PCDH15: variants seen among roughly 807,000 people sequenced by gnomAD.
The protein encoded by PCDH15 is protocadherin related 15.
Under a neutral mutation model 178.5 loss-of-function variants are expected in PCDH15, and 129 were observed. The observed-to-expected ratio is 0.72, with a 90% CI of 0.63 to 0.84. The LOEUF is 0.84. Ranked by LOEUF, PCDH15 falls within the 40% of genes least tolerant of loss-of-function variation. PCDH15 has a pLI of 0.00. For missense variants in PCDH15, 2,230 were observed against 2,099.9 expected, an observed-to-expected ratio of 1.06 and a Z score of -1.21; for synonymous variants, 800 against 732.0, an observed-to-expected ratio of 1.09 and a Z score of -1.50.
chr10:54,752,490 AACAAAAAACAAAAAAC>A lies in PCDH15; in HGVS notation c.-29+48419_-29+48434del, dbSNP rs778264921. On this transcript the variant is annotated intron_variant, in intron 1 of 37. Coordinates refer to ENST00000644397, the MANE Select transcript of PCDH15 (RefSeq NM_001384140.1). ...AGACTCCGTCTCAAAAAAAAAAAAA[AACAAAAAACAAAAAAC>A]AAAAAACAAACAAACAAACAAACAA... Among the ~76,000 whole-genome samples, 20 of 86,014 alleles carry A rather than the reference AACAAAAAACAAAAAAC, an allele frequency of 2.3e-4. 4 individuals carry two copies. Among genetic ancestry groups the A allele is most frequent in the South Asian group, 7.0e-4 (2 of 2,862 alleles). 56.4% of individuals were successfully genotyped at this position (86,014 alleles called of 152,430 possible).
intron 3 of PCDH15, among the ~76,000 whole-genome samples, chr10:54,459,304 T>A (rs2077024719): frequency 6.6e-6 from 1 of 152,120 alleles, no homozygotes; most frequent in Non-Finnish European, 1.5e-5. Context: ...AAAGTACATA[T>A]AGCTCATGTT....
At chr10:55,610,292 TA>T (rs1843339644) in intron 2 of PCDH15, among the ~76,000 whole-genome samples, 1 of 152,112 alleles carries the variant, frequency 6.6e-6, no homozygotes, top group Non-Finnish European at 1.5e-5. Context: ...TTGTTCTTTT[TA>T]AAAAGGAAAC....
At chr10:54,338,859 G>T (rs899928523) in intron 6 of PCDH15, among the ~76,000 whole-genome samples, 5 of 149,944 alleles carry the variant, frequency 3.3e-5, no homozygotes, top group South Asian at 2.1e-4. Flanking sequence ...CTCCAGTCTG[G>T]CATTAAAATA....
In PCDH15 at chr10:54,020,384, A is replaced by T; in HGVS notation, c.2559T>A (p.Ser853=). ...TCACTTCTGGGCTTCTTATCCGGTA[A>T]GACACATTTGCTCCAAGGTCGACAT... ...AKDVDLGANV[S]YRIRSPEVKH... The change falls in exon 20 of 38, where the codon TCT becomes TCA. Residue 853 remains serine, a synonymous_variant. Transcript: ENST00000644397. 1.9e-6 allele frequency: 3 copies of T among 1,613,838 alleles called. No homozygotes were observed. Among genetic ancestry groups the T allele is most frequent in the Non-Finnish European group, 2.5e-6 (3 of 1,179,794 alleles).
chr10:53,878,466 C>T (rs2080437540), intron 26 of PCDH15, among the ~76,000 whole-genome samples: 2 of 125,210 alleles, frequency 1.6e-5, no homozygotes, highest in Admixed American at 9.7e-5. Context: ...TGTGTGTATG[C>T]CATAGTATAG....
chr10:55,541,530 T>C (rs1841759665), intron 2 of PCDH15, among the ~76,000 whole-genome samples: 1 of 151,980 alleles, frequency 6.6e-6, no homozygotes, highest in African/African-American at 2.4e-5. Flanking sequence ...ATACATTTTC[T>C]TTATTTACTG....
intron 6 of PCDH15, among the ~76,000 whole-genome samples, chr10:54,339,945 C>G (rs192475628): frequency 1.3e-5 from 2 of 152,286 alleles, no homozygotes; most frequent in South Asian, 2.1e-4. Context: ...TAAAGTCCCA[C>G]TTGCCCATGC....
Position 54,132,837 on chromosome 10 carries a change from T to G in PCDH15, c.1917+38A>C, listed in dbSNP as rs1223793694. ...AATGCCAAGCTTGTCACTTTAGAAT[T>G]TATACACACACACACACACACACAC... On this transcript the variant is annotated intron_variant, in intron 15 of 37. Transcript: ENST00000644397. 2.0e-6 allele frequency: 3 copies of G among 1,475,572 alleles called. No homozygotes were observed. In the African/African-American group the frequency reaches 4.5e-5, roughly 22 times the overall value. 91.4% of individuals were successfully genotyped at this position (1,475,572 alleles called of 1,614,324 possible).
intron 1 of PCDH15, among the ~76,000 whole-genome samples, chr10:55,177,075 C>T (rs376992765): frequency 6.6e-6 from 1 of 152,122 alleles, no homozygotes; most frequent in Non-Finnish European, 1.5e-5. Context: ...ATTTAAGGCT[C>T]GGCTCTATCA....
At chr10:55,250,143 T>A (rs1305102245) in intron 1 of PCDH15, among the ~76,000 whole-genome samples, 1 of 152,046 alleles carries the variant, frequency 6.6e-6, no homozygotes, top group Non-Finnish European at 1.5e-5. Context: ...TTATTTAATT[T>A]ATTTATTTAT....
At chr10:54,134,899 G>A (rs2042770531) in intron 14 of PCDH15, among the ~76,000 whole-genome samples, 1 of 151,738 alleles carries the variant, frequency 6.6e-6, no homozygotes, top group East Asian at 1.9e-4. Context: ...AAGCATAAAA[G>A]CTACAGTGAC....
intron 17 of PCDH15, among the ~76,000 whole-genome samples, chr10:54,076,962 T>C (rs926515219): frequency 4.6e-5 from 7 of 152,194 alleles, no homozygotes; most frequent in Non-Finnish European, 8.8e-5. Flanking sequence ...AAAAGGTTAA[T>C]TTTACTGTAA....
chr10:55,004,812 G>C (rs2131934895), intron 2 of PCDH15, among the ~76,000 whole-genome samples: 2 of 152,202 alleles, frequency 1.3e-5, no homozygotes, highest in East Asian at 3.9e-4. Context: ...CTGGCATTTT[G>C]ATAACATCAG....
chr10:54,043,785 A>G (rs2093600539), intron 18 of PCDH15, among the ~76,000 whole-genome samples: 1 of 152,112 alleles, frequency 6.6e-6, no homozygotes, highest in South Asian at 2.1e-4. Context: ...ACATGTGGCT[A>G]CAAACACTTC....
chr10:55,106,494 C>T (rs942957455), intron 2 of PCDH15, among the ~76,000 whole-genome samples: 1 of 152,160 alleles, frequency 6.6e-6, no homozygotes, highest in Non-Finnish European at 1.5e-5. Context: ...CAGCTCACTG[C>T]AACTTCAGCC....
intron 2 of PCDH15, among the ~76,000 whole-genome samples, chr10:54,542,626 C>T (rs183858178): frequency 6.6e-6 from 1 of 152,138 alleles, no homozygotes; most frequent in African/African-American, 2.4e-5. Context: ...TCCTTAGAGC[C>T]ATAGAGCCAA....
chr10:53,964,020 T>G (rs774223917), intron 21 of PCDH15, among the ~76,000 whole-genome samples: 2 of 152,238 alleles, frequency 1.3e-5, no homozygotes, highest in African/African-American at 2.4e-5. Flanking sequence ...ATCTTGTTCA[T>G]TTCCCTTTCA....
At chr10:54,319,496 G>A (rs1221511053) in intron 7 of PCDH15, among the ~76,000 whole-genome samples, 1 of 152,082 alleles carries the variant, frequency 6.6e-6, no homozygotes, top group African/African-American at 2.4e-5. Context: ...ACATATTGGT[G>A]GCTACAAGGA....
intron 1 of PCDH15, among the ~76,000 whole-genome samples, chr10:55,234,094 C>G (rs1349819639): frequency 6.6e-6 from 1 of 152,024 alleles, no homozygotes; most frequent in East Asian, 1.9e-4. Context: ...TACATATACA[C>G]CCTTCCCCTC....
Sources: allele counts gnomAD v4.1 joint callset (sites outside exome capture counted in the v4.1 genomes callset), GRCh38; gene constraint gnomAD v4.1.1; transcripts MANE v1.5; gene names NCBI Gene and HGNC (gene_info 2026-07-23, HGNC 2026-07-21).